PDE1A: variants seen among roughly 807,000 people sequenced by gnomAD.
PDE1A encodes the protein dual specificity calcium/calmodulin-dependent 3',5'-cyclic nucleotide phosphodiesterase 1A.
A neutral mutation model predicts 61.7 loss-of-function variants in PDE1A; 35 were observed. The observed-to-expected ratio is 0.57, with a 90% CI of 0.43 to 0.75. The LOEUF is 0.75. PDE1A is among the 30% of genes least tolerant of loss of function. The probability of loss-of-function intolerance (pLI) is 0.00; values close to 1 mark genes in which losing one functional copy is unlikely to be tolerated. For synonymous variants in PDE1A, 232 were observed against 213.2 expected, an observed-to-expected ratio of 1.09 and a Z score of -0.77; for missense variants, 597 against 630.6, an observed-to-expected ratio of 0.95 and a Z score of 0.57.
the PDE1A span, among the ~76,000 whole-genome samples, chr2:182,674,043 G>A: frequency 6.8e-6 from 1 of 146,746 alleles, no homozygotes; most frequent in Non-Finnish European, 1.5e-5. Context: ...TAAGCCTAAT[G>A]GTAAAATATG....
chr2:182,190,851 G>A (rs532444260), intron 10 of PDE1A, among the ~76,000 whole-genome samples: 12 of 152,168 alleles, frequency 7.9e-5, no homozygotes, highest in African/African-American at 2.6e-4. Context: ...AGCTACTCAG[G>A]AGGCTGAGGC....
At chr2:182,472,785 G>A (rs1041759091) in intron 2 of PDE1A, among the ~76,000 whole-genome samples, 4 of 151,734 alleles carry the variant, frequency 2.6e-5, no homozygotes, top group African/African-American at 9.7e-5. Context: ...AACAAAATCT[G>A]ATTTGTCATT....
At chr2:182,350,474 A>T (rs1294014781) in intron 1 of PDE1A, among the ~76,000 whole-genome samples, 1 of 152,224 alleles carries the variant, frequency 6.6e-6, no homozygotes, top group Non-Finnish European at 1.5e-5. Context: ...GAATGGCTAC[A>T]TACAAGGTCA....
At chr2:182,670,408 G>A in the PDE1A span, among the ~76,000 whole-genome samples, 2 of 152,160 alleles carry the variant, frequency 1.3e-5, no homozygotes, top group East Asian at 3.9e-4. Flanking sequence ...ATCTCAGAGT[G>A]AGACCCAGCT....
At chr2:182,533,535 T>C in the PDE1A span, among the ~76,000 whole-genome samples, 1 of 152,134 alleles carries the variant, frequency 6.6e-6, no homozygotes, top group African/African-American at 2.4e-5. Context: ...TCTCAGCTCA[T>C]ATTATGGAAA....
upstream of PDE1A, among the ~76,000 whole-genome samples, chr2:182,524,871 T>C (rs997486668): frequency 2.0e-5 from 3 of 151,934 alleles, no homozygotes; most frequent in Non-Finnish European, 2.9e-5. Context: ...TACAGTCAGG[T>C]AAATTATCTC....
chr2:182,637,990 C>T, the PDE1A span, among the ~76,000 whole-genome samples: 1 of 151,908 alleles, frequency 6.6e-6, no homozygotes, highest in Non-Finnish European at 1.5e-5. Flanking sequence ...CGGGAAGAAA[C>T]AATGGAGAAA....
chr2:182,243,963 G>A (rs778214216), intron 2 of PDE1A, among the ~76,000 whole-genome samples: 2 of 152,150 alleles, frequency 1.3e-5, no homozygotes, highest in Non-Finnish European at 2.9e-5. Context: ...TGCCTCCCGG[G>A]TTCAAGCGAT....
the PDE1A span, among the ~76,000 whole-genome samples, chr2:182,693,637 C>CTTTTTTTTTTTTTTT: frequency 4.1e-5 from 5 of 123,428 alleles, no homozygotes; most frequent in Non-Finnish European, 5.0e-5. Context: ...TGATAGTGTT[C>CTTTTTTTTTTTTTTT]TTTTTTTTTT....
chr2:182,653,920 G>T, the PDE1A span, among the ~76,000 whole-genome samples: 1 of 152,086 alleles, frequency 6.6e-6, no homozygotes, highest in East Asian at 1.9e-4. Context: ...CTGCACATCA[G>T]ATCCATCATC....
At chr2:182,712,075 A>G in the PDE1A span, among the ~76,000 whole-genome samples, 1 of 152,246 alleles carries the variant, frequency 6.6e-6, no homozygotes, top group Non-Finnish European at 1.5e-5. Context: ...CCATAGGGTC[A>G]GTTCTGTTAG....
chr2:182,669,274 T>C, the PDE1A span, among the ~76,000 whole-genome samples: 1 of 152,160 alleles, frequency 6.6e-6, no homozygotes, highest in African/African-American at 2.4e-5. Context: ...GCCCATTTTG[T>C]TTGTTAGGTG....
the PDE1A span, among the ~76,000 whole-genome samples, chr2:182,597,086 A>G: frequency 2.0e-5 from 3 of 151,908 alleles, no homozygotes; most frequent in Non-Finnish European, 4.4e-5. Flanking sequence ...CTGGAGGTTG[A>G]GGCTGAGGTG....
intron 2 of PDE1A, among the ~76,000 whole-genome samples, chr2:182,507,685 T>C (rs1574824671): frequency 6.6e-6 from 1 of 152,344 alleles, no homozygotes; most frequent in South Asian, 2.1e-4. Flanking sequence ...AACAACAATA[T>C]GATAGAATTT....
intron 1 of PDE1A, among the ~76,000 whole-genome samples, chr2:182,425,291 G>C (rs2125603653): frequency 6.6e-6 from 1 of 152,216 alleles, no homozygotes; most frequent in East Asian, 1.9e-4. Flanking sequence ...ATACCTTTTT[G>C]AAGTCGCACG....
At chr2:182,159,579 A>G (rs746418797) in intron 13 of PDE1A, among the ~76,000 whole-genome samples, 31 of 152,226 alleles carry the variant, frequency 2.0e-4, no homozygotes, top group Non-Finnish European at 3.8e-4. Flanking sequence ...AATCATCTTA[A>G]GCAAGTAATA....
upstream of PDE1A, among the ~76,000 whole-genome samples, chr2:182,431,026 C>T (rs1401582936): frequency 1.1e-4 from 15 of 134,554 alleles, no homozygotes; most frequent in Non-Finnish European, 2.4e-4. Context: ...TTAGTGGGTG[C>T]AGCGCACCAG....
intron 1 of PDE1A, among the ~76,000 whole-genome samples, chr2:182,291,602 G>C (rs1319427134): frequency 1.3e-5 from 2 of 152,094 alleles, no homozygotes; most frequent in African/African-American, 2.4e-5. Flanking sequence ...TTCCCTCTGG[G>C]AACATGAGAG....
rs377663565 is a variant in PDE1A at position 182,476,311 on chromosome 2, C to T, written c.101+45965G>A. 2.0e-5 allele frequency among the ~76,000 whole-genome samples: 3 copies of T among 151,870 alleles called. No individual in the cohort carries two copies. The East Asian group carries it at 5.9e-4, about 30-fold the overall frequency. On this transcript the variant is annotated intron_variant, in intron 2 of 14. Transcript: ENST00000410103. ...TTCAACACCAGCCTATTCAATATGACAAAACCCCGTCTCTACCAAAAATAC... is the reference window on the plus strand; with the variant it reads ...TTCAACACCAGCCTATTCAATATGATAAAACCCCGTCTCTACCAAAAATAC...
Sources: gnomAD v4.1 joint callset for allele counts (sites outside exome capture counted in the v4.1 genomes callset) on GRCh38, gnomAD v4.1.1 for gene constraint, MANE v1.5 for transcripts, NCBI Gene and HGNC (gene_info 2026-07-23, HGNC 2026-07-21) for gene names.